MICU1: variants seen among roughly 807,000 people sequenced by gnomAD.
The protein encoded by MICU1 is calcium uptake protein 1, mitochondrial.
In MICU1, 45 loss-of-function variants were observed where a neutral mutation model predicts 56.8. The ratio of observed to expected loss-of-function variants is 0.79; its 90% confidence interval spans 0.62 to 1.02. The LOEUF is 1.02. MICU1 is among the 50% of genes least tolerant of loss of function. The pLI is 0.00. For synonymous variants in MICU1, 186 were observed against 195.1 expected, an observed-to-expected ratio of 0.95 and a Z score of 0.39; for missense variants, 504 against 587.1, an observed-to-expected ratio of 0.86 and a Z score of 1.46.
chr10:72,384,514 C>T (rs1862825325), intron 10 of MICU1, among the ~76,000 whole-genome samples: 1 of 151,912 alleles, frequency 6.6e-6, no homozygotes, highest in Admixed American at 6.6e-5. Flanking sequence ...TTTATCCTAC[C>T]CCCATCTCTT....
At position 72,521,158 on chromosome 10, in the gene MICU1, A is replaced by T. The variant is rs140242083; in HGVS notation, c.537+12588T>A. ...AAAAATAAGTCAATATAGTGATTTCACCTTCTTTCACTTGGAAAAAAATTT... is the reference window on the plus strand; with the variant it reads ...AAAAATAAGTCAATATAGTGATTTCTCCTTCTTTCACTTGGAAAAAAATTT... On this transcript the variant is annotated intron_variant, in intron 5 of 11. Transcript: ENST00000361114. Among the ~76,000 whole-genome samples the T allele has an allele frequency of 2.9e-3, 440 of 152,220 alleles. 3 individuals are homozygous for T. Among genetic ancestry groups the T allele is most frequent in the African/African-American group, 0.01 (416 of 41,558 alleles).
chr10:72,509,328 G>A (rs1867363998), intron 5 of MICU1: 1 of 1,242,746 alleles, frequency 8.0e-7, no homozygotes, highest in African/African-American at 1.5e-5. Context: ...TTCAAGAGGA[G>A]TATGATGAAA....
At chr10:72,533,879 T>C in intron 4 of MICU1, 90 bp from the exon 5 acceptor site, 1 of 895,412 alleles carries the variant, frequency 1.1e-6, no homozygotes, top group East Asian at 2.7e-5. Flanking sequence ...TTTCCAGTCA[T>C]TCAGTTAAAA....
chr10:72,476,050 A>C lies in MICU1; in HGVS notation c.736-753T>G, dbSNP rs535778919. 1.4e-3 allele frequency among the ~76,000 whole-genome samples: 207 copies of C among 151,788 alleles called. 2 individuals carry two copies. Among genetic ancestry groups the C allele is most frequent in the Middle Eastern group, 6.8e-3 (2 of 294 alleles). On this transcript the variant is annotated intron_variant, in intron 7 of 11. Transcript: ENST00000361114. ...GAGACCAGCCTGGCCAAGATGGTGA[A>C]ACCCCATCTCTACTAAAAACACAAA...
intron 10 of MICU1, among the ~76,000 whole-genome samples, chr10:72,387,577 T>C (rs986374310): frequency 6.6e-6 from 1 of 152,168 alleles, no homozygotes; most frequent in Admixed American, 6.5e-5. Context: ...GAGAACTTTT[T>C]TAATAAAGGC....
chr10:72,442,053 A>G (rs1200326754), intron 8 of MICU1, among the ~76,000 whole-genome samples: 1 of 152,234 alleles, frequency 6.6e-6, no homozygotes, highest in Non-Finnish European at 1.5e-5. Flanking sequence ...CCTGTCTAAT[A>G]GAGGCAAAGA....
At chr10:72,409,725 A>G (rs1370341320) in intron 9 of MICU1, among the ~76,000 whole-genome samples, 1 of 152,142 alleles carries the variant, frequency 6.6e-6, no homozygotes, top group Non-Finnish European at 1.5e-5. Context: ...CTGTATGATT[A>G]TATCACATGA....
At chr10:72,517,751 C>T (rs150659530) in intron 5 of MICU1, among the ~76,000 whole-genome samples, 2,584 of 151,098 alleles carry the variant, frequency 0.017, 29 homozygotes, top group Admixed American at 0.029. Context: ...CCAAATACCA[C>T]CTGTTCCCCA....
intron 5 of MICU1, among the ~76,000 whole-genome samples, chr10:72,515,151 C>G (rs1867606710): frequency 6.6e-6 from 1 of 152,190 alleles, no homozygotes; most frequent in Non-Finnish European, 1.5e-5. Context: ...CATGGGCCGC[C>G]ATCCTTACAG....
intron 1 of MICU1, among the ~76,000 whole-genome samples, chr10:72,622,009 G>A (rs1842115560): frequency 6.6e-6 from 1 of 152,114 alleles, no homozygotes; most frequent in Non-Finnish European, 1.5e-5. Flanking sequence ...TGCCTCCCAG[G>A]TTCACGCCAT....
chr10:72,415,950 G>T (rs1564854443), intron 9 of MICU1, among the ~76,000 whole-genome samples: 1 of 152,100 alleles, frequency 6.6e-6, no homozygotes, highest in Non-Finnish European at 1.5e-5. Flanking sequence ...TCTGAAATAT[G>T]ATAATTCTAC....
At chr10:72,471,928 C>T (rs1399265600) in intron 8 of MICU1, among the ~76,000 whole-genome samples, 2 of 79,184 alleles carry the variant, frequency 2.5e-5, no homozygotes, top group Non-Finnish European at 5.6e-5. Context: ...AGCACTATGC[C>T]TTTGTGTGTG....
chr10:72,421,495 G>A (rs1864173687), intron 9 of MICU1, among the ~76,000 whole-genome samples: 1 of 152,108 alleles, frequency 6.6e-6, no homozygotes, highest in South Asian at 2.1e-4. Context: ...GGCTGGTCTT[G>A]AACTCCTGAC....
At chr10:72,499,111 G>A (rs372087908) in intron 6 of MICU1, among the ~76,000 whole-genome samples, 13 of 151,872 alleles carry the variant, frequency 8.6e-5, no homozygotes, top group Admixed American at 5.2e-4. Context: ...TTATAAAATC[G>A]CCCTCAAGAT....
intron 8 of MICU1, 119 bp from the exon 9 acceptor site, chr10:72,423,490 G>A (rs992092126): frequency 7.9e-7 from 1 of 1,267,220 alleles, no homozygotes; most frequent in Non-Finnish European, 1.1e-6. Flanking sequence ...CTATATTTTT[G>A]AGGTACAATT....
chr10:72,511,328 A>T (rs1867441842), intron 5 of MICU1, among the ~76,000 whole-genome samples: 1 of 152,212 alleles, frequency 6.6e-6, no homozygotes, highest in South Asian at 2.1e-4. Context: ...CATAATCCCG[A>T]ATGTTGAAAT....
At chr10:72,485,588 T>C (rs1866443544) in intron 6 of MICU1, among the ~76,000 whole-genome samples, 1 of 150,792 alleles carries the variant, frequency 6.6e-6, no homozygotes, top group Non-Finnish European at 1.5e-5. Context: ...GTAGAGAGTA[T>C]GTCCAGGGTC....
intron 8 of MICU1, among the ~76,000 whole-genome samples, chr10:72,471,478 T>C (rs2132259880): frequency 6.6e-6 from 1 of 152,358 alleles, no homozygotes; most frequent in African/African-American, 2.4e-5. Flanking sequence ...CTCATTTGTG[T>C]TTCTAGGAAC....
At chr10:72,371,748 G>T (rs555805233) in intron 11 of MICU1, among the ~76,000 whole-genome samples, 4 of 149,880 alleles carry the variant, frequency 2.7e-5, no homozygotes, top group African/African-American at 4.9e-5. Context: ...CCATCTCAAA[G>T]AAAAAAATAT....
Sources: allele counts gnomAD v4.1 joint callset (sites outside exome capture counted in the v4.1 genomes callset), GRCh38; gene constraint gnomAD v4.1.1; transcripts MANE v1.5; gene names NCBI Gene and HGNC (gene_info 2026-07-23, HGNC 2026-07-21).